POU6F2: variants seen among roughly 807,000 people sequenced by gnomAD.
POU6F2 encodes POU class 6 homeobox 2.
Under a neutral mutation model 71.3 loss-of-function variants are expected in POU6F2, and 31 were observed. That is an observed-to-expected ratio of 0.43 (90% CI 0.33 to 0.59). The LOEUF (loss-of-function observed/expected upper bound fraction) is 0.59, where lower values mean the gene tolerates loss of function less well. Among genes scored for constraint, POU6F2 ranks in the 20% least tolerant of loss-of-function variants. The probability of loss-of-function intolerance (pLI) is 0.04; values close to 1 mark genes in which losing one functional copy is unlikely to be tolerated. For synonymous variants in POU6F2, 347 were observed against 355.7 expected (o/e 0.98, Z 0.27); for missense variants, 783 against 856.8 (o/e 0.91, Z 1.07).
intron 5 of POU6F2, among the ~76,000 whole-genome samples, chr7:39,382,436 C>T (rs1406613350): frequency 2.6e-5 from 4 of 152,108 alleles, no homozygotes; most frequent in Non-Finnish European, 5.9e-5. Flanking sequence ...CTAGAGGAAC[C>T]GAGGCAGGCG....
chr7:39,194,361 T>C (rs1793734297), intron 2 of POU6F2, among the ~76,000 whole-genome samples: 1 of 152,338 alleles, frequency 6.6e-6, no homozygotes, highest in African/African-American at 2.4e-5. Context: ...ATTAAAAATG[T>C]CTTGTTTGAT....
intron 1 of POU6F2, chr7:39,013,045 G>C (rs1221896889): frequency 6.6e-6 from 1 of 151,900 alleles, no homozygotes. Context: ...TTGAGCTGTG[G>C]TGGGCTCCAC....
At chr7:39,448,040 A>G (rs1200787856) in intron 7 of POU6F2, among the ~76,000 whole-genome samples, 1 of 152,202 alleles carries the variant, frequency 6.6e-6, no homozygotes, top group Non-Finnish European at 1.5e-5. Context: ...GATATATTTT[A>G]AGCACAAAAT....
At chr7:39,343,554 A>C (rs1785967008) in intron 5 of POU6F2, among the ~76,000 whole-genome samples, 1 of 152,084 alleles carries the variant, frequency 6.6e-6, no homozygotes, top group Non-Finnish European at 1.5e-5. Flanking sequence ...TTTTATTTGC[A>C]CTGGTAAAAT....
At chr7:39,004,058 A>T (rs184711338) in intron 1 of POU6F2, among the ~76,000 whole-genome samples, 42 of 152,232 alleles carry the variant, frequency 2.8e-4, no homozygotes, top group African/African-American at 1.0e-3. Flanking sequence ...GTTTATATAT[A>T]TTTTTCAAAG....
chr7:39,237,605 T>C (rs1487138607), intron 4 of POU6F2, among the ~76,000 whole-genome samples: 33 of 152,092 alleles, frequency 2.2e-4, no homozygotes, highest in Admixed American at 2.1e-3. Flanking sequence ...AAGGTGTCCA[T>C]AGATGGAGGC....
intron 1 of POU6F2, among the ~76,000 whole-genome samples, chr7:39,030,312 C>T (rs897162609): frequency 1.3e-5 from 2 of 151,020 alleles, no homozygotes; most frequent in Admixed American, 1.3e-4. Context: ...AAACATTTTT[C>T]ATTGAATTCT....
At chr7:39,384,030 TA>T (rs1430020848) in intron 5 of POU6F2, among the ~76,000 whole-genome samples, 1 of 152,226 alleles carries the variant, frequency 6.6e-6, no homozygotes, top group Non-Finnish European at 1.5e-5. Flanking sequence ...GGTCTCAAAA[TA>T]TGTGGTAAAC....
At chr7:39,394,336 A>T (rs183758649) in intron 5 of POU6F2, among the ~76,000 whole-genome samples, 134 of 152,306 alleles carry the variant, frequency 8.8e-4, no homozygotes, top group Middle Eastern at 6.8e-3. Context: ...CTTTATATAA[A>T]ATAAATGAAA....
intron 2 of POU6F2, among the ~76,000 whole-genome samples, chr7:39,175,467 A>G (rs1793307873): frequency 6.6e-6 from 1 of 152,178 alleles, no homozygotes; most frequent in Admixed American, 6.5e-5. Flanking sequence ...GAAAATCAAG[A>G]CAGGTGTCTA....
intron 1 of POU6F2, among the ~76,000 whole-genome samples, chr7:39,015,854 T>TATATAATATATTATATATAG (rs1789495828): frequency 2.0e-4 from 4 of 20,378 alleles, no homozygotes; most frequent in Admixed American, 1.0e-3. Context: ...TATATATAGA[T>TATATAATATATTATATATAG]ATATATAATA....
chr7:39,207,095 A>C (rs1263262338), intron 3 of POU6F2, among the ~76,000 whole-genome samples: 2 of 152,224 alleles, frequency 1.3e-5, no homozygotes, highest in Non-Finnish European at 2.9e-5. Context: ...AAATATATGA[A>C]GATAGGATCA....
At chr7:38,983,234 C>T (rs1788368993) in intron 1 of POU6F2, among the ~76,000 whole-genome samples, 2 of 152,196 alleles carry the variant, frequency 1.3e-5, no homozygotes, top group South Asian at 4.1e-4. Context: ...ATCCAAATTA[C>T]ACAACTTCTA....
intron 6 of POU6F2, among the ~76,000 whole-genome samples, chr7:39,409,963 T>C (rs1787519480): frequency 6.6e-6 from 1 of 152,228 alleles, no homozygotes; most frequent in African/African-American, 2.4e-5. Context: ...TTTGTAACTT[T>C]CTAACCCCAC....
chr7:39,111,536 A>T (rs1295538317), intron 2 of POU6F2, among the ~76,000 whole-genome samples: 1 of 152,232 alleles, frequency 6.6e-6, no homozygotes, highest in East Asian at 1.9e-4. Flanking sequence ...TTCATTCAAC[A>T]AATATTAAAA....
intron 1 of POU6F2, among the ~76,000 whole-genome samples, chr7:39,024,117 T>G (rs1789743234): frequency 6.6e-6 from 1 of 152,212 alleles, no homozygotes; most frequent in Non-Finnish European, 1.5e-5. Flanking sequence ...TTCCACGATA[T>G]TGATTCTTCC....
intron 4 of POU6F2, among the ~76,000 whole-genome samples, chr7:39,220,702 G>A (rs986557473): frequency 1.3e-5 from 2 of 151,840 alleles, no homozygotes; most frequent in East Asian, 1.9e-4. Flanking sequence ...CCTAGACAAG[G>A]CACTCTGATT....
chr7:39,147,071 G>A (rs1792639147), intron 2 of POU6F2, among the ~76,000 whole-genome samples: 1 of 152,134 alleles, frequency 6.6e-6, no homozygotes, highest in Non-Finnish European at 1.5e-5. Context: ...ATAGAAGAAT[G>A]TGTATTAAAA....
intron 6 of POU6F2, among the ~76,000 whole-genome samples, chr7:39,430,288 C>A (rs1286365877): frequency 1.3e-5 from 2 of 152,328 alleles, no homozygotes; most frequent in African/African-American, 4.8e-5. Flanking sequence ...ATAGTGCCAC[C>A]AAAGGCTTCC....
Sources: allele counts gnomAD v4.1 joint callset (sites outside exome capture counted in the v4.1 genomes callset), GRCh38; gene constraint gnomAD v4.1.1; transcripts MANE v1.5; gene names NCBI Gene and HGNC (gene_info 2026-07-23, HGNC 2026-07-21).